Variants in MYT1L observed in about 807,000 individuals in gnomAD.
The protein encoded by MYT1L is myelin transcription factor 1 like.
Under a neutral mutation model 126.7 loss-of-function variants are expected in MYT1L, and 12 were observed. That is an observed-to-expected ratio of 0.09 (90% CI 0.06 to 0.15). The LOEUF is 0.15. MYT1L is among the 10% of genes least tolerant of loss of function. The pLI is 1.00. For missense variants in MYT1L, 979 were observed against 1,585.2 expected (o/e 0.62, Z 6.49); for synonymous variants, 541 against 604.2 (o/e 0.90, Z 1.53).
intron 2 of MYT1L, among the ~76,000 whole-genome samples, chr2:2,199,939 G>A (rs1055130078): frequency 4.6e-5 from 7 of 152,138 alleles, no homozygotes; most frequent in African/African-American, 1.7e-4. Flanking sequence ...TTTCATCCAG[G>A]ATTTGAACAC....
In MYT1L at chr2:2,224,710, T is replaced by G. The variant is rs1416203222; in HGVS notation, c.-420-51722A>C. ...GGCGGGCACCTGTAGTCCCAGCTACTTGGGAAGCTGAGACAGGAGAATGAC... is the reference window on the plus strand; with the variant it reads ...GGCGGGCACCTGTAGTCCCAGCTACGTGGGAAGCTGAGACAGGAGAATGAC... On this transcript the variant is annotated intron_variant, in intron 2 of 24. Transcript: ENST00000647738. The surrounding 1 kb of genome is among the most constrained non-coding windows in gnomAD (Gnocchi z 4.0). Among the ~76,000 whole-genome samples the G allele has an allele frequency of 6.6e-6, 1 of 151,658 alleles. No homozygotes were observed. The highest frequency in any genetic ancestry group is 2.0e-4 in the East Asian group (1 of 5,116).
chr2:2,095,093 C>T (rs2077306361), intron 3 of MYT1L, among the ~76,000 whole-genome samples: 1 of 152,200 alleles, frequency 6.6e-6, no homozygotes, highest in African/African-American at 2.4e-5. Context: ...GTCACAAAAC[C>T]TCCTAGACTT....
intron 3 of MYT1L, among the ~76,000 whole-genome samples, chr2:2,088,962 G>GTTA (rs1477781537): frequency 6.6e-6 from 1 of 152,070 alleles, no homozygotes; most frequent in Non-Finnish European, 1.5e-5. Flanking sequence ...AAGTAAATTT[G>GTTA]TTAAAAGAAA....
intron 3 of MYT1L, among the ~76,000 whole-genome samples, chr2:2,103,400 G>A (rs1270477545): frequency 1.3e-5 from 2 of 152,188 alleles, no homozygotes; most frequent in South Asian, 2.1e-4. Flanking sequence ...CTCCCCCATG[G>A]CAACACGTCC....
chr2:2,269,902 C>T (rs994259200), intron 2 of MYT1L, among the ~76,000 whole-genome samples: 16 of 152,202 alleles, frequency 1.1e-4, no homozygotes, highest in African/African-American at 3.9e-4. Context: ...TTATCTCTGC[C>T]TCCAAATCTA....
At chr2:2,149,009 G>A (rs1478989484) in intron 3 of MYT1L, among the ~76,000 whole-genome samples, 1 of 151,964 alleles carries the variant, frequency 6.6e-6, no homozygotes, top group Non-Finnish European at 1.5e-5. Context: ...GATATGTTCT[G>A]GAGGCGGCTG....
At chr2:1,923,328 T>A in intron 9 of MYT1L, 65 bp from the exon 10 acceptor site, 1 of 1,355,716 alleles carries the variant, frequency 7.4e-7, no homozygotes, top group Non-Finnish European at 1.0e-6. Context: ...ACTGGAAGCT[T>A]AGTTGCAACA....
intron 3 of MYT1L, among the ~76,000 whole-genome samples, chr2:2,144,195 G>T (rs1026905147): frequency 4.6e-5 from 7 of 152,128 alleles, no homozygotes; most frequent in Non-Finnish European, 1.0e-4. Context: ...CCGTCAGGTG[G>T]GGGTGGGGGA....
At chr2:1,851,522 G>A in intron 19 of MYT1L, 119 bp downstream of exon 19, 2 of 912,566 alleles carry the variant, frequency 2.2e-6, no homozygotes, top group East Asian at 2.4e-5. Context: ...AGAGTCTCTA[G>A]ATCCTTAATT....
chr2:1,929,506 C>T lies in MYT1L; in HGVS notation c.506-6243G>A, dbSNP rs565263531. On this transcript the variant is annotated intron_variant, in intron 9 of 24. Transcript: ENST00000647738. The surrounding 1 kb of genome is among the most constrained non-coding windows in gnomAD (Gnocchi z 4.7). ...GCACTGTCCCTGGCTCCGCTCTAGC[C>T]ATCACCGTCACGCTTCCCTACTACA... 2.0e-5 allele frequency among the ~76,000 whole-genome samples: 3 copies of T among 152,228 alleles called. No homozygotes were observed. Among genetic ancestry groups the T allele is most frequent in the Non-Finnish European group, 4.4e-5 (3 of 68,046 alleles).
chr2:1,993,650 C>T (rs1298058860), intron 5 of MYT1L, among the ~76,000 whole-genome samples: 1 of 152,140 alleles, frequency 6.6e-6, no homozygotes, highest in African/African-American at 2.4e-5. Context: ...AAATAATTTA[C>T]AAAAATGATT....
intron 4 of MYT1L, among the ~76,000 whole-genome samples, chr2:2,012,867 G>C (rs2063970591): frequency 6.6e-6 from 1 of 152,204 alleles, no homozygotes; most frequent in Admixed American, 6.5e-5. Flanking sequence ...GGTGGCCCCA[G>C]GTGATAGAGC....
intron 2 of MYT1L, among the ~76,000 whole-genome samples, chr2:2,262,709 AT>A (rs1394825283): frequency 5.3e-5 from 8 of 149,816 alleles, no homozygotes; most frequent in Non-Finnish European, 1.2e-4. Context: ...AAAAAAAAAA[AT>A]TATGATTCCT....
In MYT1L at chr2:1,842,853, T is replaced by C. The variant is rs139989831; in HGVS notation, c.2775-2010A>G. 1,017 of 165,300 alleles carry C rather than the reference T, an allele frequency of 6.2e-3. 18 individuals are homozygous for C. The highest frequency in any genetic ancestry group is 7.7e-3 in the Non-Finnish European group (593 of 76,778). 10.2% of individuals were successfully genotyped at this position (165,300 alleles called of 1,614,324 possible). On this transcript the variant is annotated intron_variant, in intron 19 of 24. Transcript: ENST00000647738. Reference sequence around the variant, plus strand: ...CCGTTGATGTCACACCCAAGGCCTCTCCTCGTCTGTCCAGCTTCCGCTTCC... The same window carrying C: ...CCGTTGATGTCACACCCAAGGCCTCCCCTCGTCTGTCCAGCTTCCGCTTCC...
chr2:2,215,429 A>C (rs1426995737), intron 2 of MYT1L, among the ~76,000 whole-genome samples: 1 of 152,226 alleles, frequency 6.6e-6, no homozygotes, highest in African/African-American at 2.4e-5. Context: ...TTTCAAAGCA[A>C]AGCATACTAC....
At chr2:1,956,400 G>GTCTA (rs1268235335) in intron 8 of MYT1L, among the ~76,000 whole-genome samples, 754 of 58,068 alleles carry the variant, frequency 0.013, 77 homozygotes, top group East Asian at 0.028. Context: ...CTTTCTATCT[G>GTCTA]TCTGTCTATC....
chr2:2,256,493 G>T (rs1171958507), intron 2 of MYT1L, among the ~76,000 whole-genome samples: 1 of 152,206 alleles, frequency 6.6e-6, no homozygotes, highest in African/African-American at 2.4e-5. Context: ...GTGGGAACAG[G>T]AACCATCTGG....
chr2:2,178,093 A>C (rs115772832), intron 2 of MYT1L, among the ~76,000 whole-genome samples: 1 of 152,122 alleles, frequency 6.6e-6, no homozygotes, highest in Admixed American at 6.6e-5. Flanking sequence ...TTATATAAAC[A>C]GACTGTAATA....
rs1367176993 is a variant in MYT1L at position 2,029,457 on chromosome 2, C to T, written c.-158+24521G>A. Among the ~76,000 whole-genome samples, 3 of 152,186 alleles carry T rather than the reference C, an allele frequency of 2.0e-5. No homozygotes were observed. The East Asian group carries it at 5.8e-4, about 29-fold the overall frequency. ...GGGGAACTCCCATTTATAAAACCATCAGATCTCATGAGAGTTATTCACTAC... is the reference window on the plus strand; with the variant it reads ...GGGGAACTCCCATTTATAAAACCATTAGATCTCATGAGAGTTATTCACTAC... On this transcript the variant is annotated intron_variant, in intron 4 of 24. Transcript: ENST00000647738.
Sources: allele counts gnomAD v4.1 joint callset (sites outside exome capture counted in the v4.1 genomes callset), GRCh38; gene constraint gnomAD v4.1.1; non-coding constraint Gnocchi (gnomAD v3.1); transcripts MANE v1.5; gene names NCBI Gene and HGNC (gene_info 2026-07-23, HGNC 2026-07-21).